The following CTNNA2 variants were observed in gnomAD, a reference collection of about 807,000 sequenced individuals.
CTNNA2 encodes the protein catenin alpha-2.
In CTNNA2, 42 loss-of-function variants were observed where a neutral mutation model predicts 101.0. The ratio of observed to expected loss-of-function variants is 0.42; its 90% CI spans 0.32 to 0.54. The LOEUF (loss-of-function observed/expected upper bound fraction) is 0.54, where lower values mean the gene tolerates loss of function less well. CTNNA2 is among the 20% of genes least tolerant of loss of function. CTNNA2 has a pLI of 0.14. For missense variants in CTNNA2, 871 were observed against 1,223.1 expected (o/e 0.71, Z 4.29); for synonymous variants, 450 against 456.4 (o/e 0.99, Z 0.18).
At chr2:80,131,774 CT>C (rs1336531685) in intron 7 of CTNNA2, among the ~76,000 whole-genome samples, 1 of 152,066 alleles carries the variant, frequency 6.6e-6, no homozygotes, top group African/African-American at 2.4e-5. Context: ...TAACAGGTGT[CT>C]TGTGTAGGTT....
In CTNNA2 at chr2:79,999,622, G is replaced by A. The variant is rs140336363; in HGVS notation, c.1056+89825G>A. ...TATTTAATTCTGTAAACAAACCTGT[G>A]CAGGGGGCATTGTTCATCTACTCAG... On this transcript the variant is annotated intron_variant, in intron 7 of 18. Coordinates refer to ENST00000402739, the MANE Select transcript of CTNNA2 (RefSeq NM_001282597.3). Among the ~76,000 whole-genome samples the A allele has an allele frequency of 2.0e-5, 3 of 152,260 alleles. No individual in the cohort carries two copies. The East Asian group carries it at 5.8e-4, about 29-fold the overall frequency.
At position 80,026,654 on chromosome 2, in the gene CTNNA2, T is replaced by A. The variant is rs191127048; in HGVS notation, c.1056+116857T>A. Among the ~76,000 whole-genome samples, 306 of 152,334 alleles carry A rather than the reference T, an allele frequency of 2.0e-3. 1 individual carries two copies. Among genetic ancestry groups the A allele is most frequent in the African/African-American group, 6.9e-3 (286 of 41,574 alleles). On this transcript the variant is annotated intron_variant, in intron 7 of 18. Coordinates refer to ENST00000402739, the MANE Select transcript of CTNNA2 (RefSeq NM_001282597.3). The stretch of plus-strand genomic sequence containing the variant: ...TTTGAAAATTAGCTTTAATTTTTTT[T>A]ATTTCAGTCATAATCACGGAACTAT...
chr2:80,206,789 G>GT (rs984743618), intron 7 of CTNNA2, among the ~76,000 whole-genome samples: 1 of 152,242 alleles, frequency 6.6e-6, no homozygotes, highest in South Asian at 2.1e-4. Context: ...AAACCAATTT[G>GT]TTTTTTTATG....
intron 3 of CTNNA2, among the ~76,000 whole-genome samples, chr2:79,801,879 C>G (rs1272740117): frequency 1.3e-5 from 2 of 151,224 alleles, no homozygotes; most frequent in African/African-American, 4.9e-5. Flanking sequence ...GTAATCTAAG[C>G]TACTCGGGAG....
intron 7 of CTNNA2, among the ~76,000 whole-genome samples, chr2:80,056,282 C>T (rs1697209034): frequency 6.6e-6 from 1 of 152,204 alleles, no homozygotes; most frequent in Non-Finnish European, 1.5e-5. Context: ...CTGCCTACAT[C>T]TCATTGGCCA....
intron 9 of CTNNA2, among the ~76,000 whole-genome samples, chr2:80,480,732 C>T (rs370844198): frequency 4.7e-4 from 72 of 152,190 alleles, no homozygotes; most frequent in African/African-American, 7.5e-4. Context: ...CAAGCTTTTA[C>T]GCTAATTATC....
At position 79,469,361 on chromosome 2, in the gene CTNNA2, A is replaced by C. The variant is rs186349972; in HGVS notation, c.-134-35693A>C. Among the ~76,000 whole-genome samples the C allele has an allele frequency of 4.6e-5, 7 of 152,268 alleles. No homozygotes were observed. The East Asian group carries it at 1.4e-3, about 29-fold the overall frequency. ...TTCAATCTCTGAATAGACCAATAACAGGCTCTGAAATTGAGGCAATAATTA... is the reference window on the plus strand; with the variant it reads ...TTCAATCTCTGAATAGACCAATAACCGGCTCTGAAATTGAGGCAATAATTA... On this transcript the variant is annotated intron_variant, in intron 4 of 21. Coordinates refer to the CTNNA2 transcript ENST00000466387.
chr2:79,314,771 A>G (rs1676459196), intron 3 of CTNNA2, among the ~76,000 whole-genome samples: 1 of 152,180 alleles, frequency 6.6e-6, no homozygotes, highest in Admixed American at 6.5e-5. Flanking sequence ...TCCATACCAC[A>G]GCCTAAAAAA....
intron 7 of CTNNA2, among the ~76,000 whole-genome samples, chr2:80,120,301 T>G (rs1216783547): frequency 6.6e-6 from 1 of 152,242 alleles, no homozygotes; most frequent in Non-Finnish European, 1.5e-5. Flanking sequence ...GCAATTTTAC[T>G]GTTTTATTTC....
chr2:80,547,493 T>G (rs1451909280), intron 11 of CTNNA2, among the ~76,000 whole-genome samples: 4 of 152,166 alleles, frequency 2.6e-5, no homozygotes, highest in Non-Finnish European at 5.9e-5. Context: ...TTTCCTTTGG[T>G]GCTTGCTGCT....
chr2:80,496,992 C>A (rs865989620), intron 9 of CTNNA2, among the ~76,000 whole-genome samples: 2 of 152,076 alleles, frequency 1.3e-5, no homozygotes, highest in African/African-American at 4.8e-5. Context: ...GAAGCATGAA[C>A]GAAGCGCCTG....
chr2:79,724,757 G>A (rs1686712693), intron 2 of CTNNA2, among the ~76,000 whole-genome samples: 1 of 143,064 alleles, frequency 7.0e-6, no homozygotes, highest in Non-Finnish European at 1.5e-5. Context: ...GGAGCTTGCA[G>A]TGAGCCAAGA....
rs181700721 is a variant in CTNNA2 at position 79,768,353 on chromosome 2, C to A, written c.298+23771C>A. ...ACTGTATGATTGAAGGAGGCACTGTCTTTTTAGTGCCTCTTTCAGTGATAC... is the reference window on the plus strand; with the variant it reads ...ACTGTATGATTGAAGGAGGCACTGTATTTTTAGTGCCTCTTTCAGTGATAC... On this transcript the variant is annotated intron_variant, in intron 3 of 18. Transcript: ENST00000402739. 4.3e-3 allele frequency among the ~76,000 whole-genome samples: 656 copies of A among 151,138 alleles called. 1 individual carries two copies. The highest frequency in any genetic ancestry group is 7.7e-3 in the South Asian group (36 of 4,702).
intron 7 of CTNNA2, among the ~76,000 whole-genome samples, chr2:80,170,622 G>A (rs1704995657): frequency 6.6e-6 from 1 of 152,122 alleles, no homozygotes; most frequent in Non-Finnish European, 1.5e-5. Context: ...GGTGTACTGG[G>A]CCACACATAG....
chr2:79,315,895 A>G (rs916989673), intron 3 of CTNNA2, among the ~76,000 whole-genome samples: 4 of 152,078 alleles, frequency 2.6e-5, no homozygotes, highest in Admixed American at 6.6e-5. Context: ...GGATTCTAAT[A>G]TCTCTATATT....
intron 7 of CTNNA2, among the ~76,000 whole-genome samples, chr2:80,176,700 C>T (rs1316077935): frequency 6.6e-6 from 1 of 152,160 alleles, no homozygotes; most frequent in Admixed American, 6.5e-5. Flanking sequence ...AAGGGATCTC[C>T]TATATTCCAT....
At position 80,627,779 on chromosome 2, in the gene CTNNA2, G is replaced by A. The variant is rs142998640; in HGVS notation, c.2574+8551G>A. 5.1e-3 allele frequency among the ~76,000 whole-genome samples: 769 copies of A among 152,148 alleles called. 3 individuals are homozygous for A. The highest frequency in any genetic ancestry group is 0.017 in the African/African-American group (708 of 41,500). ...TTTGTGTTTTAGTCATAAAGTCTTTGTCCATGCCTGTGTCCTGAATGGTAT... is the reference window on the plus strand; with the variant it reads ...TTTGTGTTTTAGTCATAAAGTCTTTATCCATGCCTGTGTCCTGAATGGTAT... On this transcript the variant is annotated intron_variant, in intron 18 of 18. Coordinates refer to ENST00000402739, the MANE Select transcript of CTNNA2 (RefSeq NM_001282597.3).
rs565385205 is a variant in CTNNA2 at position 79,385,500 on chromosome 2, T to C, written c.-135+11487T>C. ...CAAACAGGGTTAAATAGGGTCTTTA[T>C]TTTATTTTATTTTATTTTATTTTAT... On this transcript the variant is annotated intron_variant, in intron 4 of 21. Transcript: ENST00000466387. Among the ~76,000 whole-genome samples, 4 of 151,606 alleles carry C rather than the reference T, an allele frequency of 2.6e-5. No homozygotes were observed. In the South Asian group the frequency reaches 8.3e-4, roughly 32 times the overall value.
At chr2:79,241,724 A>G (rs997462585) in intron 2 of CTNNA2, among the ~76,000 whole-genome samples, 1 of 152,148 alleles carries the variant, frequency 6.6e-6, no homozygotes, top group African/African-American at 2.4e-5. Flanking sequence ...TCATCAGTTC[A>G]TGTTCTTTGT....
Sources: allele counts gnomAD v4.1 joint callset (sites outside exome capture counted in the v4.1 genomes callset), GRCh38; gene constraint gnomAD v4.1.1; transcripts MANE v1.5; gene names NCBI Gene and HGNC (gene_info 2026-07-23, HGNC 2026-07-21).